LUZP1: variants seen among roughly 807,000 people sequenced by gnomAD.
LUZP1 encodes the protein filamin mechanobinding actin cross-linking protein.
LUZP1 carries 25 observed loss-of-function variants against 71.3 expected under a neutral mutation model. That is an observed-to-expected ratio of 0.35 (90% CI 0.26 to 0.49). LUZP1 has a LOEUF of 0.49. Among genes scored for constraint, LUZP1 ranks in the 20% least tolerant of loss-of-function variants. LUZP1 has a pLI of 0.99. For synonymous variants in LUZP1, 481 were observed against 506.4 expected, an observed-to-expected ratio of 0.95 and a Z score of 0.67; for missense variants, 1,142 against 1,300.8, an observed-to-expected ratio of 0.88 and a Z score of 1.88.
rs1164426264 is a variant in LUZP1 at position 23,093,958 on chromosome 1, G to C, written c.304C>G (p.Leu102Val). The change falls in exon 4 of 5, where the codon CTC becomes GTC. Residue 102 changes from leucine to valine, a missense_variant. Coordinates refer to ENST00000302291, the Ensembl canonical transcript of LUZP1. This position sits in a 1 kb window ranked among gnomAD's most constrained non-coding sequence, Gnocchi z 4.2. ...ATCTCAGATTTCAGCTCCCGGGTGA[G>C]GTTTTCTTCCTCTTCAAGTTTCTCC... The C allele has an allele frequency of 6.2e-7, 1 of 1,614,144 alleles. No individual in the cohort carries two copies.
intron 2 of LUZP1, among the ~76,000 whole-genome samples, chr1:23,142,692 TATATATATACACACAC>T (rs1489330431): frequency 1.5e-4 from 12 of 80,060 alleles, no homozygotes; most frequent in Admixed American, 4.0e-4. Flanking sequence ...ATAAAATATA[TATATATATACACACAC>T]ACACACACAC....
At chr1:23,145,770 G>A (rs943653128) in intron 2 of LUZP1, among the ~76,000 whole-genome samples, 2 of 152,070 alleles carry the variant, frequency 1.3e-5, no homozygotes, top group Non-Finnish European at 2.9e-5. Context: ...ACTGCAGCTG[G>A]CCAACCTCAT....
At chr1:23,151,326 G>A (rs1644381246) in intron 2 of LUZP1, among the ~76,000 whole-genome samples, 1 of 152,138 alleles carries the variant, frequency 6.6e-6, no homozygotes, top group South Asian at 2.1e-4. Context: ...TTACAGACAT[G>A]AGCCACCGCA....
At chr1:23,154,776 G>A (rs1173904944) in intron 2 of LUZP1, among the ~76,000 whole-genome samples, 6 of 146,354 alleles carry the variant, frequency 4.1e-5, no homozygotes, top group African/African-American at 1.0e-4. Flanking sequence ...GGGTGGTCTC[G>A]ATCTCCTGGC....
intron 3 of LUZP1, among the ~76,000 whole-genome samples, chr1:23,105,153 T>C (rs1234071352): frequency 6.6e-6 from 1 of 152,112 alleles, no homozygotes; most frequent in Non-Finnish European, 1.5e-5. Context: ...TAGGGTGCTA[T>C]TGTAATAGTC....
chr1:23,147,256 CAT>C (rs1382480150), intron 2 of LUZP1, among the ~76,000 whole-genome samples: 2 of 151,174 alleles, frequency 1.3e-5, no homozygotes, highest in Non-Finnish European at 2.9e-5. Context: ...GCCTAACCAA[CAT>C]AGTGAAACCC....
Position 23,167,112 on chromosome 1 carries a change from G to T in LUZP1, c.-226+1654C>A, listed in dbSNP as rs1034834794. On this transcript the variant is annotated intron_variant, in intron 2 of 4. Coordinates refer to ENST00000302291, the Ensembl canonical transcript of LUZP1. ...TGACAAAAGAAGAATTTTCTATGGG[G>T]GTAATTCAATTTAACCACATGAATA... is the stretch of plus-strand genomic sequence containing the variant. Among the ~76,000 whole-genome samples, 3 of 152,132 alleles carry T rather than the reference G, an allele frequency of 2.0e-5. No individual in the cohort carries two copies. In the East Asian group the frequency reaches 5.8e-4, roughly 29 times the overall value.
intron 3 of LUZP1, among the ~76,000 whole-genome samples, chr1:23,103,107 A>AT (rs3051246): frequency 0.47 from 68,701 of 145,370 alleles, 16,659 homozygotes; most frequent in East Asian, 0.56. Context: ...AATTTTTCTC[A>AT]TTTTTTTTTT....
chr1:23,134,473 C>T (rs1026862804), intron 2 of LUZP1, among the ~76,000 whole-genome samples: 2 of 151,834 alleles, frequency 1.3e-5, no homozygotes, highest in Non-Finnish European at 2.9e-5. Context: ...AAAAGTGAGA[C>T]CCAGTCTCTT....
chr1:23,131,678 A>ATTTATTTTAG (rs1553139239), intron 2 of LUZP1, among the ~76,000 whole-genome samples: 1 of 151,280 alleles, frequency 6.6e-6, no homozygotes, highest in Non-Finnish European at 1.5e-5. Context: ...TTATTCATTT[A>ATTTATTTTAG]TTTATTTTAT....
chr1:23,090,555 A>G, intron 4 of LUZP1: 1 of 327,840 alleles, frequency 3.1e-6, no homozygotes, highest in Non-Finnish European at 5.6e-6. Context: ...TGGATTTATC[A>G]AAGCTGTAAT....
intron 2 of LUZP1, among the ~76,000 whole-genome samples, chr1:23,159,115 C>T (rs1353752680): frequency 2.0e-5 from 3 of 151,866 alleles, no homozygotes; most frequent in South Asian, 2.1e-4. Flanking sequence ...CTGAGGAGGG[C>T]GGATCACGAG....
intron 2 of LUZP1, among the ~76,000 whole-genome samples, chr1:23,158,949 A>G (rs1045228588): frequency 4.5e-4 from 68 of 151,832 alleles, no homozygotes; most frequent in African/African-American, 1.6e-3. Context: ...AAAAAAAAAA[A>G]AAAAGAGATG....
At chr1:23,117,507 T>TGG (rs1215139251) in intron 2 of LUZP1, among the ~76,000 whole-genome samples, 81 of 23,066 alleles carry the variant, frequency 3.5e-3, no homozygotes, top group African/African-American at 6.8e-3. Flanking sequence ...CAGGAAGCCC[T>TGG]GGGGGGGGGG....
intron 3 of LUZP1, among the ~76,000 whole-genome samples, chr1:23,097,416 T>C (rs1031007984): frequency 5.3e-5 from 8 of 152,208 alleles, no homozygotes; most frequent in African/African-American, 1.9e-4. Context: ...AACATAGTTA[T>C]GGCCTAGACC....
chr1:23,154,698 A>C (rs1313001197), intron 2 of LUZP1, among the ~76,000 whole-genome samples: 5 of 140,400 alleles, frequency 3.6e-5, no homozygotes, highest in African/African-American at 2.7e-5. Context: ...GCCTGCCACC[A>C]CACCTGGCTA....
chr1:23,139,019 A>AAATATAT lies in LUZP1; in HGVS notation c.-226+29746_-226+29747insATATATT, dbSNP rs1317355746. Among the ~76,000 whole-genome samples, 19 of 59,950 alleles carry AAATATAT rather than the reference A, an allele frequency of 3.2e-4. 2 individuals carry two copies. Among genetic ancestry groups the AAATATAT allele is most frequent in the East Asian group, 1.6e-3 (4 of 2,470 alleles). The allele number at this position is 59,950 out of a possible 152,430, so 39.3% of individuals were successfully genotyped here. ...TCTCAAAAAAAAAAAAAAAAAAAAA[A>AAATATAT]ATATATATATATATATATATATATA... On this transcript the variant is annotated intron_variant, in intron 2 of 4. Transcript: ENST00000302291.
intron 2 of LUZP1, among the ~76,000 whole-genome samples, chr1:23,119,849 C>A (rs1353319999): frequency 6.6e-6 from 1 of 151,970 alleles, no homozygotes. Context: ...AAGAATAATT[C>A]ATCTCCCTCA....
At chr1:23,114,687 G>A (rs951963314) in intron 2 of LUZP1, among the ~76,000 whole-genome samples, 2 of 152,228 alleles carry the variant, frequency 1.3e-5, no homozygotes, top group East Asian at 1.9e-4. Flanking sequence ...AAGAAGGAAT[G>A]AAGAGAATCC....
Sources: allele counts gnomAD v4.1 joint callset (sites outside exome capture counted in the v4.1 genomes callset), GRCh38; gene constraint gnomAD v4.1.1; non-coding constraint Gnocchi (gnomAD v3.1); transcripts MANE v1.5; gene names NCBI Gene and HGNC (gene_info 2026-07-23, HGNC 2026-07-21).